Variants in MERTK observed in about 807,000 individuals in gnomAD.
MERTK encodes tyrosine-protein kinase Mer.
MERTK carries 69 observed loss-of-function variants against 99.3 expected under a neutral mutation model. That is an observed-to-expected ratio of 0.70 (90% CI 0.57 to 0.85). MERTK has a LOEUF of 0.85. Among genes scored for constraint, MERTK ranks in the 40% least tolerant of loss-of-function variants. The pLI is 0.00. For synonymous variants in MERTK, 426 were observed against 467.6 expected (o/e 0.91, Z 1.15); for missense variants, 1,125 against 1,249.4 (o/e 0.90, Z 1.50).
chr2:111,908,805 T>G (rs1220236068), intron 1 of MERTK, among the ~76,000 whole-genome samples: 1 of 152,196 alleles, frequency 6.6e-6, no homozygotes, highest in Admixed American at 6.5e-5. Flanking sequence ...ATGGCTGCTG[T>G]GCTTCTGGGC....
At position 111,929,290 on chromosome 2, in the gene MERTK, G is replaced by A. The variant is rs764637670; in HGVS notation, c.232G>A (p.Val78Ile). 13 of 1,614,216 alleles carry A rather than the reference G, an allele frequency of 8.1e-6. No homozygotes were observed. In the Admixed American group the frequency reaches 8.3e-5, roughly 10 times the overall value. ...TQPGRPHTGNVAIPQVTSVES... is the reference protein window; with the variant it reads ...TQPGRPHTGNIAIPQVTSVES... ...GCCTGGAAGACCACATACAGGAAAC[G>A]TAGCCATTCCCCAGGTGACCTCTGT... The change falls in exon 2 of 19, where the codon GTA (valine) becomes ATA (isoleucine). Residue 78 changes from valine to isoleucine, a missense_variant. Transcript: ENST00000295408.
chr2:112,013,769 G>T (rs573837593), intron 15 of MERTK, among the ~76,000 whole-genome samples: 1 of 151,906 alleles, frequency 6.6e-6, no homozygotes, highest in Non-Finnish European at 1.5e-5. Flanking sequence ...TGTGAGTGGC[G>T]GCACCACATC....
At chr2:112,016,699 G>T (rs1038706616) in intron 15 of MERTK, among the ~76,000 whole-genome samples, 2 of 152,234 alleles carry the variant, frequency 1.3e-5, no homozygotes, top group Non-Finnish European at 2.9e-5. Context: ...TACAAAGGGA[G>T]ATAGGCTGTA....
At chr2:111,922,203 C>T (rs1488624660) in intron 1 of MERTK, among the ~76,000 whole-genome samples, 1 of 152,198 alleles carries the variant, frequency 6.6e-6, no homozygotes, top group African/African-American at 2.4e-5. Flanking sequence ...GGAGGGACTC[C>T]AGGGCCAGGG....
intron 4 of MERTK, among the ~76,000 whole-genome samples, chr2:111,955,786 A>C (rs1423801486): frequency 6.6e-6 from 1 of 152,208 alleles, no homozygotes; most frequent in African/African-American, 2.4e-5. Flanking sequence ...AAAGAATTTT[A>C]TCATGGGCAA....
chr2:111,973,278 G>A (rs1427509966), intron 6 of MERTK, among the ~76,000 whole-genome samples: 1 of 152,048 alleles, frequency 6.6e-6, no homozygotes, highest in Non-Finnish European at 1.5e-5. Flanking sequence ...CTCCACCTTC[G>A]CTTTGGTGGT....
chr2:111,970,688 C>G (rs1193054137), intron 6 of MERTK, among the ~76,000 whole-genome samples: 3 of 144,136 alleles, frequency 2.1e-5, no homozygotes, highest in African/African-American at 7.7e-5. Context: ...TCCTCCTCCT[C>G]CCTCCTCCTC....
intron 1 of MERTK, among the ~76,000 whole-genome samples, chr2:111,923,798 A>T (rs1426908018): frequency 3.3e-5 from 5 of 152,186 alleles, no homozygotes. Context: ...AGAGTATTCC[A>T]CTTCTGTGGG....
intron 9 of MERTK, 117 bp downstream of exon 9, chr2:111,994,521 C>G (rs1558800576): frequency 4.2e-6 from 6 of 1,425,022 alleles, no homozygotes; most frequent in East Asian, 4.6e-5. Flanking sequence ...TAAGGCTGGG[C>G]TTATCTCAAC....
intron 4 of MERTK, among the ~76,000 whole-genome samples, chr2:111,955,720 A>G (rs1685135385): frequency 6.6e-6 from 1 of 152,202 alleles, no homozygotes; most frequent in Non-Finnish European, 1.5e-5. Context: ...TAACTCTGCT[A>G]TTTTTGCAAC....
At chr2:111,906,789 A>G (rs1158912379) in intron 1 of MERTK, among the ~76,000 whole-genome samples, 2 of 152,262 alleles carry the variant, frequency 1.3e-5, no homozygotes, top group African/African-American at 4.8e-5. Flanking sequence ...TTTAAAAAAT[A>G]ACCACTTGGG....
Position 111,960,716 on chromosome 2 carries a change from C to T in MERTK, c.758-4475C>T, listed in dbSNP as rs188466521. On this transcript the variant is annotated intron_variant, in intron 4 of 18. Coordinates refer to ENST00000295408, the MANE Select transcript of MERTK (RefSeq NM_006343.3). ...TAAGCAAAAACTTTCAAATGTGTAC[C>T]ATTAAGATGAAATTCTTGGGGCTGG... is the stretch of plus-strand genomic sequence containing the variant. Among the ~76,000 whole-genome samples the T allele has an allele frequency of 9.9e-5, 15 of 151,742 alleles. No individual in the cohort carries two copies. The East Asian group carries it at 2.3e-3, about 24-fold the overall frequency.
intron 2 of MERTK, among the ~76,000 whole-genome samples, chr2:111,935,652 TG>T (rs1684751873): frequency 1.1e-5 from 1 of 90,062 alleles, no homozygotes; most frequent in Non-Finnish European, 3.0e-5. Context: ...TGTGTGTGTG[TG>T]TGTGTGTGTG....
intron 1 of MERTK, among the ~76,000 whole-genome samples, chr2:111,907,791 A>T (rs1004582933): frequency 1.3e-5 from 2 of 152,256 alleles, no homozygotes; most frequent in African/African-American, 4.8e-5. Context: ...TATAAACTGT[A>T]GAATGCAACG....
At chr2:112,027,363 G>C (rs561263888) in intron 18 of MERTK, among the ~76,000 whole-genome samples, 80 of 151,080 alleles carry the variant, frequency 5.3e-4, no homozygotes, top group African/African-American at 1.9e-3. Context: ...CAATTAATAT[G>C]CCTGGCCCTG....
chr2:111,913,629 C>T (rs1027223035), intron 1 of MERTK, among the ~76,000 whole-genome samples: 2 of 152,118 alleles, frequency 1.3e-5, no homozygotes, highest in African/African-American at 2.4e-5. Flanking sequence ...CTGCAACCTC[C>T]GCCTCCAGGG....
At chr2:112,023,455 C>T (rs1677399982) in intron 18 of MERTK, among the ~76,000 whole-genome samples, 1 of 151,894 alleles carries the variant, frequency 6.6e-6, no homozygotes, top group Non-Finnish European at 1.5e-5. Flanking sequence ...TAAAGTGCTC[C>T]CTGAGAGATC....
chr2:112,028,095 C>T, intron 18 of MERTK: 1 of 534,592 alleles, frequency 1.9e-6, no homozygotes, highest in Non-Finnish European at 3.3e-6. Context: ...CCTAAATACT[C>T]CTTATCTGCA....
At chr2:111,906,430 T>C (rs1402284314) in intron 1 of MERTK, among the ~76,000 whole-genome samples, 2 of 152,198 alleles carry the variant, frequency 1.3e-5, no homozygotes, top group African/African-American at 4.8e-5. Context: ...TTGGCTTCAT[T>C]ATGGTTTTGA....
Sources: gnomAD v4.1 joint callset for allele counts (sites outside exome capture counted in the v4.1 genomes callset) on GRCh38, gnomAD v4.1.1 for gene constraint, MANE v1.5 for transcripts, NCBI Gene and HGNC (gene_info 2026-07-23, HGNC 2026-07-21) for gene names.